The following ERBB4 variants were observed in gnomAD, a reference collection of about 807,000 sequenced individuals.
ERBB4 encodes receptor tyrosine-protein kinase erbB-4.
A neutral mutation model predicts 158.0 loss-of-function variants in ERBB4; 42 were observed. The ratio of observed to expected loss-of-function variants is 0.27; its 90% CI spans 0.21 to 0.34. The LOEUF is 0.34. Among genes scored for constraint, ERBB4 ranks in the 10% least tolerant of loss-of-function variants. The pLI is 1.00. For synonymous variants in ERBB4, 583 were observed against 558.7 expected, an observed-to-expected ratio of 1.04 and a Z score of -0.61; for missense variants, 1,333 against 1,624.1, an observed-to-expected ratio of 0.82 and a Z score of 3.08.
intron 25 of ERBB4, among the ~76,000 whole-genome samples, chr2:211,388,760 G>A (rs2062740442): frequency 6.6e-6 from 1 of 151,956 alleles, no homozygotes; most frequent in African/African-American, 2.4e-5. Flanking sequence ...AACTGAAAGA[G>A]GATATAAAAA....
intron 4 of ERBB4, among the ~76,000 whole-genome samples, chr2:211,773,707 T>A (rs2075798764): frequency 7.6e-6 from 1 of 132,136 alleles, no homozygotes; most frequent in Non-Finnish European, 1.6e-5. Flanking sequence ...TACTTTATAG[T>A]GAAGAATATA....
intron 3 of ERBB4, among the ~76,000 whole-genome samples, chr2:211,858,754 C>T (rs2077936399): frequency 6.6e-6 from 1 of 152,116 alleles, no homozygotes; most frequent in Non-Finnish European, 1.5e-5. Context: ...TATGGTGGTT[C>T]TACTCCAAAA....
intron 13 of ERBB4, among the ~76,000 whole-genome samples, chr2:211,673,516 T>TGAAAAAAAAAAAAAAAAAAAAAAAAAA (rs2071927010): frequency 5.1e-5 from 1 of 19,698 alleles, no homozygotes; most frequent in Non-Finnish European, 1.6e-4. Context: ...TCCAGCAATC[T>TGAAAAAAAAAAAAAAAAAAAAAAAAAA]CAAAAAAAAA....
At chr2:211,409,360 G>C (rs533711433) in intron 25 of ERBB4, among the ~76,000 whole-genome samples, 232 of 152,216 alleles carry the variant, frequency 1.5e-3, no homozygotes, top group Non-Finnish European at 2.6e-3. Flanking sequence ...ATGTAAAAAA[G>C]CTCCAAGCAG....
At chr2:211,892,535 A>G (rs1043226644) in intron 3 of ERBB4, among the ~76,000 whole-genome samples, 5 of 141,606 alleles carry the variant, frequency 3.5e-5, no homozygotes, top group Admixed American at 1.4e-4. Context: ...CCAATTCAAC[A>G]TAGTGTTGGA....
At chr2:211,434,235 AT>A (rs2063803155) in intron 20 of ERBB4, among the ~76,000 whole-genome samples, 1 of 152,198 alleles carries the variant, frequency 6.6e-6, no homozygotes, top group Admixed American at 6.5e-5. Context: ...TCACCAAAAA[AT>A]TTAAAACTCT....
intron 2 of ERBB4, among the ~76,000 whole-genome samples, chr2:212,052,667 C>T (rs2077433275): frequency 6.6e-6 from 1 of 152,130 alleles, no homozygotes; most frequent in African/African-American, 2.4e-5. Context: ...AAACTCGAAA[C>T]TTGTATTTGT....
chr2:211,578,046 A>C (rs575775005), intron 19 of ERBB4, among the ~76,000 whole-genome samples: 1 of 152,290 alleles, frequency 6.6e-6, no homozygotes, highest in African/African-American at 2.4e-5. Context: ...TCCCACATCA[A>C]GAAAACCCCA....
chr2:212,217,084 G>C (rs1317341871), intron 1 of ERBB4, among the ~76,000 whole-genome samples: 1 of 151,306 alleles, frequency 6.6e-6, no homozygotes, highest in Non-Finnish European at 1.5e-5. Context: ...AGCAACCAAT[G>C]GCTTGAGGAG....
chr2:211,562,178 T>A, intron 19 of ERBB4, 90 bp from the exon 20 acceptor site: 1 of 1,086,304 alleles, frequency 9.2e-7, no homozygotes, highest in South Asian at 1.3e-5. Context: ...CTGATGATTT[T>A]TAAAAATGTA....
intron 3 of ERBB4, among the ~76,000 whole-genome samples, chr2:211,810,792 T>C (rs35064070): frequency 0.05 from 7,594 of 151,340 alleles, 269 homozygotes; most frequent in Non-Finnish European, 0.063. Flanking sequence ...CCTGCCTCAG[T>C]CTCCCGAGTA....
intron 3 of ERBB4, among the ~76,000 whole-genome samples, chr2:211,937,787 T>A (rs915597634): frequency 6.6e-6 from 1 of 152,128 alleles, no homozygotes; most frequent in Non-Finnish European, 1.5e-5. Flanking sequence ...GTCCCTCCTA[T>A]AACACATGGG....
rs180814386 is a variant in ERBB4, at chr2:211,393,265, C to T, written c.3136-5273G>A. On this transcript the variant is annotated intron_variant, in intron 25 of 27. Transcript: ENST00000342788. ...ATATATATTATGTACCTACCCTATA[C>T]CATGGACTATTTTAGGTTTTATTTA... Among the ~76,000 whole-genome samples, 59 of 152,192 alleles carry T rather than the reference C, an allele frequency of 3.9e-4. No homozygotes were observed. The East Asian group carries it at 0.011, about 28-fold the overall frequency.
intron 1 of ERBB4, among the ~76,000 whole-genome samples, chr2:212,368,167 G>A (rs557372254): frequency 2.2e-4 from 34 of 152,222 alleles, no homozygotes; most frequent in South Asian, 8.3e-4. Flanking sequence ...CAAAATCGTG[G>A]AAGCAACCCA....
chr2:212,437,586 A>T (rs988389923), intron 1 of ERBB4, among the ~76,000 whole-genome samples: 2 of 151,638 alleles, frequency 1.3e-5, no homozygotes. Context: ...TCCCCTTCCC[A>T]CTAAAAGCTC....
rs1221077309 is a variant in ERBB4, at chr2:212,191,943, C to CATATGTTAT, written c.83-67049_83-67041dup. Among the ~76,000 whole-genome samples, 40 of 96,232 alleles carry CATATGTTAT rather than the reference C, an allele frequency of 4.2e-4. 1 individual carries two copies. The highest frequency in any genetic ancestry group is 4.4e-4 in the Admixed American group (3 of 6,772). The allele number at this position is 96,232 out of a possible 152,430, so 63.1% of individuals were successfully genotyped here. A position where few individuals can be genotyped will look rare whatever the true frequency, so the allele number is the denominator to read the frequency against. ...TATATGTTATATATTATATATGATG[C>CATATGTTAT]ATATGTTATATATGTTATATATGTT... On this transcript the variant is annotated intron_variant, in intron 1 of 27. Coordinates refer to ENST00000342788, the MANE Select transcript of ERBB4 (RefSeq NM_005235.3).
At chr2:212,291,498 G>T (rs1237999871) in intron 1 of ERBB4, among the ~76,000 whole-genome samples, 1 of 152,012 alleles carries the variant, frequency 6.6e-6, no homozygotes, top group African/African-American at 2.4e-5. Flanking sequence ...TTTGTGCAAG[G>T]ATGATAAAAC....
At chr2:211,493,930 G>A (rs1169830733) in intron 20 of ERBB4, among the ~76,000 whole-genome samples, 1 of 152,060 alleles carries the variant, frequency 6.6e-6, no homozygotes, top group Non-Finnish European at 1.5e-5. Context: ...TGAAAAGCCA[G>A]ATTTCTAAAA....
chr2:211,933,707 T>A (rs181878986), intron 3 of ERBB4, among the ~76,000 whole-genome samples: 6 of 152,120 alleles, frequency 3.9e-5, no homozygotes, highest in African/African-American at 1.4e-4. Flanking sequence ...AGAAAAACCC[T>A]CATCTTAAGT....
Sources: allele counts gnomAD v4.1 joint callset (sites outside exome capture counted in the v4.1 genomes callset), GRCh38; gene constraint gnomAD v4.1.1; transcripts MANE v1.5; gene names NCBI Gene and HGNC (gene_info 2026-07-23, HGNC 2026-07-21).